SRSF12: variants seen among roughly 807,000 people sequenced by gnomAD.
The protein encoded by SRSF12 is serine/arginine-rich splicing factor 12.
SRSF12 carries 21 observed loss-of-function variants against 34.1 expected under a neutral mutation model. The ratio of observed to expected loss-of-function variants is 0.62; its 90% confidence interval spans 0.44 to 0.89. The LOEUF is 0.89. Ranked by LOEUF, SRSF12 falls within the 40% of genes least tolerant of loss-of-function variation. The pLI is 0.00. For synonymous variants in SRSF12, 111 were observed against 110.8 expected (o/e 1.00, Z -0.01); for missense variants, 278 against 327.8 (o/e 0.85, Z 1.17).
At position 89,105,120 on chromosome 6, in the gene SRSF12, C is replaced by CT; in HGVS notation, c.414dup (p.Glu139ArgfsTer10). On this transcript the variant is annotated frameshift_variant and splice_region_variant, in exon 4 of 5. Coordinates refer to ENST00000452027, the MANE Select transcript of SRSF12 (RefSeq NM_080743.5). LOFTEE classifies it high-confidence loss of function. The stretch of plus-strand genomic sequence containing the variant: ...AATTTTCAGTCCTCTTATACTCACT[C>CT]TTTAAGGCTGTCTGACCGCCTCCTA... 3 of 1,611,050 alleles carry CT rather than the reference C, an allele frequency of 1.9e-6. No individual in the cohort carries two copies. Among genetic ancestry groups the CT allele is most frequent in the Non-Finnish European group, 2.5e-6 (3 of 1,178,214 alleles).
intron 4 of SRSF12, among the ~76,000 whole-genome samples, chr6:89,103,508 T>A (rs1365264665): frequency 2.0e-5 from 3 of 152,138 alleles, no homozygotes; most frequent in African/African-American, 7.2e-5. Flanking sequence ...TTTGTATTTT[T>A]AGTAGACACG....
chr6:89,112,066 GGCGTGAT>G (rs1274827163), intron 1 of SRSF12, among the ~76,000 whole-genome samples: 1 of 151,862 alleles, frequency 6.6e-6, no homozygotes, highest in East Asian at 1.9e-4. Flanking sequence ...GGAGTGCAAG[GGCGTGAT>G]CTCGGCTCAC....
intron 1 of SRSF12, 140 bp from the exon 2 acceptor site, chr6:89,107,398 A>AGAT (rs1219439713): frequency 3.1e-6 from 2 of 652,844 alleles, no homozygotes; most frequent in Non-Finnish European, 2.6e-6. Flanking sequence ...TGTAAGAATC[A>AGAT]TGCAAGGTTT....
intron 1 of SRSF12, among the ~76,000 whole-genome samples, chr6:89,107,486 T>C (rs1431721588): frequency 6.6e-6 from 1 of 152,120 alleles, no homozygotes; most frequent in African/African-American, 2.4e-5. Flanking sequence ...TCCCAGCACT[T>C]TGGGGGACCA....
intron 1 of SRSF12, among the ~76,000 whole-genome samples, chr6:89,115,778 A>G (rs1484250493): frequency 6.7e-6 from 1 of 148,540 alleles, no homozygotes; most frequent in South Asian, 2.2e-4. Flanking sequence ...CTGGGACTAC[A>G]GGCACCCGCC....
At chr6:89,108,166 G>A (rs1768881687) in intron 1 of SRSF12, among the ~76,000 whole-genome samples, 1 of 152,174 alleles carries the variant, frequency 6.6e-6, no homozygotes, top group East Asian at 1.9e-4. Flanking sequence ...AGGTGCTTCA[G>A]AAGGGGTACC....
At chr6:89,116,047 G>A (rs564683191) in intron 1 of SRSF12, among the ~76,000 whole-genome samples, 83 of 152,312 alleles carry the variant, frequency 5.4e-4, no homozygotes, top group Admixed American at 1.8e-3. Context: ...TCAACAATAA[G>A]TCCAGATGTC....
At chr6:89,113,781 T>C (rs919647480) in intron 1 of SRSF12, among the ~76,000 whole-genome samples, 4 of 152,146 alleles carry the variant, frequency 2.6e-5, no homozygotes, top group Admixed American at 6.6e-5. Context: ...ATAGCTGAAC[T>C]ACAGGTGCGC....
rs933152483 is a variant in SRSF12, at chr6:89,097,839, T to A, written c.*739A>T. The A allele has an allele frequency of 6.6e-6, 1 of 152,218 alleles. No homozygotes were observed. Among genetic ancestry groups the A allele is most frequent in the Admixed American group, 6.5e-5 (1 of 15,288 alleles). 9.4% of individuals were successfully genotyped at this position (152,218 alleles called of 1,614,324 possible). ...TTCTTCAAATGTGTAAGTCTTAATA[T>A]GAATATTTTTGGATTGTGAGTGTTG... On this transcript the variant is annotated 3_prime_UTR_variant, in exon 5 of 5. Transcript: ENST00000452027.
intron 4 of SRSF12, among the ~76,000 whole-genome samples, chr6:89,100,943 A>G (rs535509614): frequency 1.6e-3 from 244 of 152,214 alleles, no homozygotes; most frequent in African/African-American, 5.7e-3. Context: ...CATCTCTACT[A>G]AAAATACAAA....
intron 1 of SRSF12, among the ~76,000 whole-genome samples, chr6:89,115,789 A>G (rs1582280687): frequency 1.7e-5 from 2 of 118,534 alleles, no homozygotes; most frequent in East Asian, 5.4e-4. Flanking sequence ...GGCACCCGCC[A>G]CCACGCCCGT....
At chr6:89,100,306 T>C (rs1768480292) in intron 4 of SRSF12, among the ~76,000 whole-genome samples, 2 of 152,124 alleles carry the variant, frequency 1.3e-5, no homozygotes, top group Admixed American at 1.3e-4. Context: ...TGAGGAACAT[T>C]AGGTAACAAC....
intron 1 of SRSF12, among the ~76,000 whole-genome samples, chr6:89,115,484 G>A (rs1357420314): frequency 6.6e-6 from 1 of 151,748 alleles, no homozygotes; most frequent in East Asian, 2.0e-4. Context: ...GTTTCACCAG[G>A]TAGGCCAGGT....
In SRSF12 at chr6:89,096,794, A is replaced by G. The variant is rs1447909159; in HGVS notation, c.*1784T>C. On this transcript the variant is annotated 3_prime_UTR_variant, in exon 5 of 5. Coordinates refer to ENST00000452027, the MANE Select transcript of SRSF12 (RefSeq NM_080743.5). Reference sequence around the variant, plus strand: ...ATTACTGGTGTGAGCCACTGTGCCCAGCCCCTAGTTTTTAAAATGATTTCA... The same window carrying G: ...ATTACTGGTGTGAGCCACTGTGCCCGGCCCCTAGTTTTTAAAATGATTTCA... 6.6e-6 allele frequency: 1 copy of G among 152,178 alleles called. No homozygotes were observed. The highest frequency in any genetic ancestry group is 2.4e-5 in the African/African-American group (1 of 41,454). The allele number at this position is 152,178 out of a possible 1,614,324, so 9.4% of individuals were successfully genotyped here.
At chr6:89,099,523 CACACACACAT>C (rs1334271292) in intron 4 of SRSF12, among the ~76,000 whole-genome samples, 4 of 136,764 alleles carry the variant, frequency 2.9e-5, no homozygotes, top group African/African-American at 1.1e-4. Context: ...TATACACACA[CACACACACAT>C]ACATGTTTTT....
At chr6:89,113,144 T>C (rs1304029200) in intron 1 of SRSF12, among the ~76,000 whole-genome samples, 1 of 152,124 alleles carries the variant, frequency 6.6e-6, no homozygotes, top group Non-Finnish European at 1.5e-5. Flanking sequence ...CATATATAAT[T>C]TTACATATGT....
At chr6:89,108,530 G>A (rs1768896767) in intron 1 of SRSF12, among the ~76,000 whole-genome samples, 3 of 152,178 alleles carry the variant, frequency 2.0e-5, no homozygotes, top group Admixed American at 2.0e-4. Flanking sequence ...GCTTCATGGT[G>A]CTATCATAGG....
At position 89,098,393 on chromosome 6, in the gene SRSF12, G is replaced by T; in HGVS notation, c.*185C>A. The T allele has an allele frequency of 1.6e-6, 1 of 624,692 alleles. No homozygotes were observed. The highest frequency in any genetic ancestry group is 2.5e-6 in the Non-Finnish European group (1 of 397,518). The allele number at this position is 624,692 out of a possible 1,614,324, so 38.7% of individuals were successfully genotyped here. A position where few individuals can be genotyped will look rare whatever the true frequency, so the allele number is the denominator to read the frequency against. ...GACATTAGACAAATCATAATTTGTA[G>T]TGTGGGCCCTTTAAATGGAGACCAA... is the stretch of plus-strand genomic sequence containing the variant. On this transcript the variant is annotated 3_prime_UTR_variant, in exon 5 of 5. Coordinates refer to ENST00000452027, the MANE Select transcript of SRSF12 (RefSeq NM_080743.5).
chr6:89,105,473 T>C lies in SRSF12; in HGVS notation c.228A>G (p.Val76=), dbSNP rs1768740426. The C allele has an allele frequency of 1.9e-6, 3 of 1,611,796 alleles. No individual in the cohort carries two copies. The highest frequency in any genetic ancestry group is 2.2e-5 in the South Asian group (2 of 90,426). The change falls in exon 3 of 5, where the codon GTA becomes GTG. Residue 76 remains valine, a synonymous_variant. Transcript: ENST00000452027. ...DALYNLNRKW[V]CGRQIEIQFA... ...ACTGTATTTCAATCTGACGGCCACA[T>C]ACCCACTTTCTATTGAGGTTATAAA... is the stretch of plus-strand genomic sequence containing the variant.
Sources: gnomAD v4.1 joint callset for allele counts (sites outside exome capture counted in the v4.1 genomes callset) on GRCh38, gnomAD v4.1.1 for gene constraint, MANE v1.5 for transcripts, NCBI Gene and HGNC (gene_info 2026-07-23, HGNC 2026-07-21) for gene names.